KLHL29: variants seen among roughly 807,000 people sequenced by gnomAD.
KLHL29 encodes the protein kelch like family member 29, also known as kelch-like protein 29.
KLHL29 carries 21 observed loss-of-function variants against 80.4 expected under a neutral mutation model. That is an observed-to-expected ratio of 0.26 (90% CI 0.19 to 0.38). The LOEUF is 0.38. KLHL29 is among the 10% of genes least tolerant of loss of function. The pLI is 1.00. For missense variants in KLHL29, 867 were observed against 1,223.9 expected, an observed-to-expected ratio of 0.71 and a Z score of 4.35; for synonymous variants, 511 against 526.8, an observed-to-expected ratio of 0.97 and a Z score of 0.41.
intron 1 of KLHL29, among the ~76,000 whole-genome samples, chr2:23,439,054 G>C (rs1038638223): frequency 4.7e-5 from 7 of 149,276 alleles, no homozygotes; most frequent in Admixed American, 6.7e-5. Context: ...TGTATGTGTC[G>C]AGGAATTTAT....
rs1664089699 is a variant in KLHL29 at position 23,457,525 on chromosome 2, G to A, written c.-153-18035G>A. Among the ~76,000 whole-genome samples, 1 of 152,188 alleles carries A rather than the reference G, an allele frequency of 6.6e-6. No individual in the cohort carries two copies. Among genetic ancestry groups the A allele is most frequent in the African/African-American group, 2.4e-5 (1 of 41,442 alleles). ...GGATCACCCCTCAACCCGTCACCTT[G>A]TGTTCCCCGAGGTGGGGGTGCCTCT... On this transcript the variant is annotated intron_variant, in intron 1 of 13. Coordinates refer to ENST00000486442, the MANE Select transcript of KLHL29 (RefSeq NM_052920.2). The surrounding 1 kb of genome is among the most constrained non-coding windows in gnomAD (Gnocchi z 4.3).
chr2:23,491,576 GCTC>G (rs1665103951), intron 2 of KLHL29, among the ~76,000 whole-genome samples: 1 of 151,434 alleles, frequency 6.6e-6, no homozygotes, highest in East Asian at 1.9e-4. Flanking sequence ...CTCTGCTCCT[GCTC>G]CTCTTGCCCT....
chr2:23,560,107 G>A (rs570129275), intron 2 of KLHL29, among the ~76,000 whole-genome samples: 5 of 152,296 alleles, frequency 3.3e-5, no homozygotes, highest in Admixed American at 1.3e-4. Flanking sequence ...AGTGGCCAGG[G>A]CGAAGGCCAC....
At chr2:23,659,540 T>C (rs952540051) in intron 5 of KLHL29, among the ~76,000 whole-genome samples, 3 of 152,160 alleles carry the variant, frequency 2.0e-5, no homozygotes, top group African/African-American at 7.2e-5. Flanking sequence ...ATGTGAGTGC[T>C]TGGCAGGTGC....
At position 23,547,679 on chromosome 2, in the gene KLHL29, C is replaced by T. The variant is rs190730392; in HGVS notation, c.-45-14473C>T. Among the ~76,000 whole-genome samples the T allele has an allele frequency of 2.1e-4, 32 of 152,132 alleles. 1 individual carries two copies. The highest frequency in any genetic ancestry group is 2.1e-3 in the Admixed American group (32 of 15,290). On this transcript the variant is annotated intron_variant, in intron 2 of 13. Transcript: ENST00000486442. ...AAGTGACCACCCCTCCCGCCTCCCC[C>T]GAGAAAAACCCCAAATGCTATTTGG...
chr2:23,671,369 G>A (rs1410960307), intron 5 of KLHL29, among the ~76,000 whole-genome samples: 3 of 151,870 alleles, frequency 2.0e-5, no homozygotes, highest in Admixed American at 6.6e-5. Flanking sequence ...GAGCCGGCCC[G>A]TCACCTGCTG....
At chr2:23,608,722 G>C (rs1427550087) in intron 3 of KLHL29, among the ~76,000 whole-genome samples, 2 of 152,140 alleles carry the variant, frequency 1.3e-5, no homozygotes, top group African/African-American at 4.8e-5. Flanking sequence ...AAACCCATTG[G>C]GGGAGGCACT....
chr2:23,662,328 A>G (rs1670432472), intron 5 of KLHL29, among the ~76,000 whole-genome samples: 1 of 152,190 alleles, frequency 6.6e-6, no homozygotes, highest in Non-Finnish European at 1.5e-5. Context: ...ACCATAGGAA[A>G]TTCCCTTTTT....
intron 5 of KLHL29, among the ~76,000 whole-genome samples, chr2:23,661,033 G>GAA (rs149310113): frequency 6.9e-5 from 10 of 145,934 alleles, no homozygotes; most frequent in African/African-American, 2.5e-4. Context: ...CTCTGTTTCA[G>GAA]AAAAAAAAAG....
chr2:23,706,786 C>A lies in KLHL29; in HGVS notation c.*122C>A. 1 of 643,102 alleles carries A rather than the reference C, an allele frequency of 1.6e-6. No homozygotes were observed. Among genetic ancestry groups the A allele is most frequent in the Non-Finnish European group, 2.5e-6 (1 of 394,010 alleles). 39.8% of individuals were successfully genotyped at this position (643,102 alleles called of 1,614,324 possible). A position where few individuals can be genotyped will look rare whatever the true frequency, so the allele number is the denominator to read the frequency against. On this transcript the variant is annotated 3_prime_UTR_variant, in exon 14 of 14. Transcript: ENST00000486442. ...AAACACAATCAAGGAACTCACTGCGCTCAACATGTTGAATATTCTCTACAT... is the reference window on the plus strand; with the variant it reads ...AAACACAATCAAGGAACTCACTGCGATCAACATGTTGAATATTCTCTACAT...
chr2:23,536,179 G>A (rs998706075), intron 2 of KLHL29, among the ~76,000 whole-genome samples: 2 of 152,118 alleles, frequency 1.3e-5, no homozygotes, highest in Non-Finnish European at 2.9e-5. Flanking sequence ...CACATATCGC[G>A]CCACTGGTTT....
intron 1 of KLHL29, among the ~76,000 whole-genome samples, chr2:23,454,453 A>C (rs989654765): frequency 6.6e-6 from 1 of 152,174 alleles, no homozygotes; most frequent in Admixed American, 6.5e-5. Flanking sequence ...GCTTAGTAGG[A>C]TGGATTTTAT....
At chr2:23,693,884 G>A (rs1671778016) in intron 8 of KLHL29, among the ~76,000 whole-genome samples, 1 of 152,176 alleles carries the variant, frequency 6.6e-6, no homozygotes, top group African/African-American at 2.4e-5. Flanking sequence ...TGGACCAAAT[G>A]GAAACCCCTG....
chr2:23,449,506 C>T lies in KLHL29; in HGVS notation c.-153-26054C>T, dbSNP rs187049651. On this transcript the variant is annotated intron_variant, in intron 1 of 13. Transcript: ENST00000486442. The stretch of plus-strand genomic sequence containing the variant: ...TGGCTCTGCTTATCTTGGCTGGGAC[C>T]TGTCACATGCTTGGGGTTAGCTGGC... Among the ~76,000 whole-genome samples, 35 of 152,260 alleles carry T rather than the reference C, an allele frequency of 2.3e-4. No individual in the cohort carries two copies. The East Asian group carries it at 6.4e-3, about 28-fold the overall frequency.
chr2:23,703,363 C>T lies in KLHL29; in HGVS notation c.2283C>T (p.Ile761=), dbSNP rs72796138. The T allele has an allele frequency of 0.12, 180,883 of 1,510,128 alleles. 11,425 individuals carry two copies. The highest frequency in any genetic ancestry group is 0.17 in the Middle Eastern group (985 of 5,836). 93.5% of individuals were successfully genotyped at this position (1,510,128 alleles called of 1,614,324 possible). A position where few individuals can be genotyped will look rare whatever the true frequency, so the allele number is the denominator to read the frequency against. ...CTCAGACCAACACGTGGAGCTTCAT[C>T]GAGTCCCCAATGATTGGTGAGAACC... ...YVPQTNTWSF[I]ESPMIDNKYA... Residue 761 remains isoleucine (I), a synonymous_variant, in exon 12 of 14, where the codon ATC becomes ATT. Coordinates refer to ENST00000486442, the MANE Select transcript of KLHL29 (RefSeq NM_052920.2).
At chr2:23,688,114 C>T (rs995578643) in intron 6 of KLHL29, among the ~76,000 whole-genome samples, 1 of 152,118 alleles carries the variant, frequency 6.6e-6, no homozygotes, top group South Asian at 2.1e-4. Context: ...AGCCAGATAA[C>T]GAGACTCCCA....
intron 1 of KLHL29, among the ~76,000 whole-genome samples, chr2:23,421,687 GTGAC>G (rs1286779155): frequency 6.6e-6 from 1 of 150,808 alleles, no homozygotes; most frequent in African/African-American, 2.4e-5. Context: ...TGTTGTGTGT[GTGAC>G]TGTGTATGTG....
At chr2:23,537,417 TACACACACACACAC>T (rs5741924) in intron 2 of KLHL29, among the ~76,000 whole-genome samples, 291 of 149,152 alleles carry the variant, frequency 2.0e-3, no homozygotes, top group South Asian at 4.4e-3. Flanking sequence ...GGGCAGAAAC[TACACACACACACAC>T]ACACACACAC....
At chr2:23,518,388 C>T (rs1384503624) in intron 2 of KLHL29, among the ~76,000 whole-genome samples, 5 of 152,170 alleles carry the variant, frequency 3.3e-5, no homozygotes, top group African/African-American at 4.8e-5. Flanking sequence ...GTGTTTGAGC[C>T]ACTGGGGATT....
Sources: allele counts gnomAD v4.1 joint callset (sites outside exome capture counted in the v4.1 genomes callset), GRCh38; gene constraint gnomAD v4.1.1; non-coding constraint Gnocchi (gnomAD v3.1); transcripts MANE v1.5; gene names NCBI Gene and HGNC (gene_info 2026-07-23, HGNC 2026-07-21).